The following XRCC4 variants were observed in gnomAD, a reference collection of about 807,000 sequenced individuals.
XRCC4 encodes the protein DNA repair protein XRCC4.
A neutral mutation model predicts 39.1 loss-of-function variants in XRCC4; 28 were observed. The ratio of observed to expected loss-of-function variants is 0.72; its 90% confidence interval spans 0.53 to 0.98. The LOEUF (loss-of-function observed/expected upper bound fraction) is 0.98. Ranked by LOEUF, XRCC4 falls within the 50% of genes least tolerant of loss-of-function variation. XRCC4 has a pLI of 0.00. For missense variants in XRCC4, 350 were observed against 376.4 expected, an observed-to-expected ratio of 0.93 and a Z score of 0.58; for synonymous variants, 123 against 126.4, an observed-to-expected ratio of 0.97 and a Z score of 0.18.
intron 3 of XRCC4, among the ~76,000 whole-genome samples, chr5:83,133,992 G>A (rs2617853): frequency 0.046 from 7,060 of 152,254 alleles, 171 homozygotes; most frequent in East Asian, 0.11. Context: ...TGGTGCTCGC[G>A]GGCTGGTGTG....
intron 3 of XRCC4, among the ~76,000 whole-genome samples, chr5:83,183,553 C>G (rs1369369404): frequency 1.3e-5 from 2 of 151,796 alleles, no homozygotes; most frequent in African/African-American, 4.8e-5. Context: ...AACATGGATC[C>G]AGTCCTATTT....
intron 7 of XRCC4, among the ~76,000 whole-genome samples, chr5:83,331,837 G>C (rs976053439): frequency 1.3e-5 from 2 of 151,934 alleles, no homozygotes; most frequent in African/African-American, 2.4e-5. Context: ...TAAAATAATC[G>C]CTTCATCATA....
At chr5:83,332,789 C>T (rs779408535) in intron 7 of XRCC4, among the ~76,000 whole-genome samples, 1 of 151,972 alleles carries the variant, frequency 6.6e-6, no homozygotes. Context: ...GCTCAGCCTT[C>T]GAGGGTAAAT....
At chr5:83,125,317 T>G (rs1747206826) in intron 3 of XRCC4, among the ~76,000 whole-genome samples, 1 of 152,250 alleles carries the variant, frequency 6.6e-6, no homozygotes, top group African/African-American at 2.4e-5. Context: ...TTTTCTTCTA[T>G]GCTTTTGCTT....
At chr5:83,277,585 A>T (rs943193097) in intron 7 of XRCC4, among the ~76,000 whole-genome samples, 1 of 152,212 alleles carries the variant, frequency 6.6e-6, no homozygotes, top group Non-Finnish European at 1.5e-5. Context: ...TAAATATAGC[A>T]TATTTTTAGC....
chr5:83,186,822 A>G (rs73132599), intron 3 of XRCC4, among the ~76,000 whole-genome samples: 3 of 152,324 alleles, frequency 2.0e-5, no homozygotes, highest in African/African-American at 7.2e-5. Flanking sequence ...GGTCTCACCT[A>G]GCAAACATCA....
chr5:83,280,503 C>G (rs899850751), intron 7 of XRCC4: 1 of 791,868 alleles, frequency 1.3e-6, no homozygotes, highest in Non-Finnish European at 2.1e-6. Flanking sequence ...TTCTGCTCAT[C>G]AGTATACCAC....
chr5:83,248,658 TAAAC>T (rs1337422901), intron 6 of XRCC4, among the ~76,000 whole-genome samples: 2 of 152,190 alleles, frequency 1.3e-5, no homozygotes, highest in Non-Finnish European at 2.9e-5. Context: ...TGAAGATAGC[TAAAC>T]AGTCTTCATA....
At chr5:83,136,321 T>G (rs544202074) in intron 3 of XRCC4, among the ~76,000 whole-genome samples, 1 of 152,352 alleles carries the variant, frequency 6.6e-6, no homozygotes, top group East Asian at 1.9e-4. Flanking sequence ...ATGCAGAAAC[T>G]TTGAAAATCT....
At chr5:83,320,453 A>G (rs1436582536) in intron 7 of XRCC4, among the ~76,000 whole-genome samples, 1 of 152,012 alleles carries the variant, frequency 6.6e-6, no homozygotes, top group Admixed American at 6.6e-5. Context: ...TAAAATTACA[A>G]AAAGGGATTT....
rs548216456 is a variant in XRCC4, at chr5:83,133,991, C to T, written c.315+22788C>T. On this transcript the variant is annotated intron_variant, in intron 3 of 7. Coordinates refer to ENST00000396027, the MANE Select transcript of XRCC4 (RefSeq NM_003401.5). The stretch of plus-strand genomic sequence containing the variant: ...GAGTTGGGGCTGTGCGTGGTGCTCG[C>T]GGGCTGGTGTGGGTTCCAGGTGAGC... 7.2e-5 allele frequency among the ~76,000 whole-genome samples: 11 copies of T among 152,262 alleles called. No individual in the cohort carries two copies. The East Asian group carries it at 9.7e-4, about 13-fold the overall frequency.
At chr5:83,329,750 A>C (rs1406561722) in intron 7 of XRCC4, among the ~76,000 whole-genome samples, 2 of 152,138 alleles carry the variant, frequency 1.3e-5, no homozygotes, top group Non-Finnish European at 2.9e-5. Flanking sequence ...AAACAAACTC[A>C]AATTAAGTAC....
chr5:83,325,810 T>G (rs1024867848), intron 7 of XRCC4, among the ~76,000 whole-genome samples: 6 of 152,106 alleles, frequency 3.9e-5, no homozygotes, highest in Non-Finnish European at 1.5e-5. Flanking sequence ...TTCTATTTCT[T>G]TAGATATATA....
intron 7 of XRCC4, among the ~76,000 whole-genome samples, chr5:83,311,754 AC>A (rs1175070498): frequency 2.6e-5 from 4 of 152,040 alleles, no homozygotes; most frequent in Non-Finnish European, 1.5e-5. Flanking sequence ...AATAATGCAT[AC>A]CACTATTTTG....
chr5:83,279,391 A>G (rs1362488155), intron 7 of XRCC4, among the ~76,000 whole-genome samples: 1 of 152,152 alleles, frequency 6.6e-6, no homozygotes, highest in South Asian at 2.1e-4. Context: ...TAACCGCACT[A>G]TGGCACTGAA....
intron 3 of XRCC4, among the ~76,000 whole-genome samples, chr5:83,116,495 T>C (rs1357420031): frequency 6.6e-6 from 1 of 152,194 alleles, no homozygotes; most frequent in African/African-American, 2.4e-5. Context: ...TAACAAACTT[T>C]CTTTTTTTCT....
intron 6 of XRCC4, among the ~76,000 whole-genome samples, chr5:83,222,716 T>G (rs1752131790): frequency 6.6e-6 from 1 of 152,122 alleles, no homozygotes; most frequent in Admixed American, 6.6e-5. Flanking sequence ...TTTAGATGTT[T>G]GTGTTTTTTT....
the XRCC4 span, among the ~76,000 whole-genome samples, chr5:83,374,070 A>T: frequency 2.6e-5 from 4 of 152,138 alleles, no homozygotes; most frequent in Non-Finnish European, 5.9e-5. Context: ...GTGATCCTAA[A>T]CTCTTTTGTC....
Position 83,111,349 on chromosome 5 carries a change from A to G in XRCC4, c.315+146A>G, listed in dbSNP as rs563110315. ...AAGTACTTGGTTTCCAAATTAGAAG[A>G]ATACTTCAAAGCTAAAGTCATTAAA... On this transcript the variant is annotated intron_variant, in intron 3 of 7. Transcript: ENST00000396027. The G allele has an allele frequency of 2.5e-4, 129 of 521,840 alleles. 1 individual carries two copies. The highest frequency in any genetic ancestry group is 2.7e-4 in the Non-Finnish European group (86 of 318,972). The allele number at this position is 521,840 out of a possible 1,614,324, so 32.3% of individuals were successfully genotyped here. A position where few individuals can be genotyped will look rare whatever the true frequency, so the allele number is the denominator to read the frequency against.
Sources: allele counts gnomAD v4.1 joint callset (sites outside exome capture counted in the v4.1 genomes callset), GRCh38; gene constraint gnomAD v4.1.1; transcripts MANE v1.5; gene names NCBI Gene and HGNC (gene_info 2026-07-23, HGNC 2026-07-21).